The following DLEU7 variants were observed in gnomAD, a reference collection of about 807,000 sequenced individuals.
DLEU7 encodes deleted in lymphocytic leukemia 7.
DLEU7 carries 17 observed loss-of-function variants against 16.0 expected under a neutral mutation model. The ratio of observed to expected loss-of-function variants is 1.06; its 90% CI spans 0.73 to 1.59. The LOEUF (loss-of-function observed/expected upper bound fraction) is 1.59, where lower values mean the gene tolerates loss of function less well. DLEU7 is among the 40% of genes most tolerant of loss of function. The pLI is 0.00. For missense variants in DLEU7, 308 were observed against 314.9 expected, an observed-to-expected ratio of 0.98 and a Z score of 0.17; for synonymous variants, 113 against 139.8, an observed-to-expected ratio of 0.81 and a Z score of 1.35.
intron 1 of DLEU7, among the ~76,000 whole-genome samples, chr13:50,823,928 T>C (rs1358803679): frequency 3.3e-5 from 5 of 152,230 alleles, no homozygotes; most frequent in Admixed American, 2.0e-4. Context: ...AAGAGCCAGA[T>C]TCTAATCTAA....
chr13:50,723,328 A>G (rs1873671450), intron 1 of DLEU7: 1 of 152,152 alleles, frequency 6.6e-6, no homozygotes, highest in South Asian at 2.1e-4. Context: ...AACATCCCCT[A>G]GTTTAAAGAA....
At chr13:50,799,963 A>T (rs1224270616) in intron 1 of DLEU7, among the ~76,000 whole-genome samples, 1 of 152,210 alleles carries the variant, frequency 6.6e-6, no homozygotes, top group Non-Finnish European at 1.5e-5. Context: ...ATCAAACTGT[A>T]CACAGAACTC....
chr13:50,755,909 C>G (rs573100008), intron 1 of DLEU7, among the ~76,000 whole-genome samples: 13 of 152,256 alleles, frequency 8.5e-5, no homozygotes, highest in South Asian at 2.1e-4. Flanking sequence ...GGGGTGTTCC[C>G]TTGATGCAGT....
intron 1 of DLEU7, among the ~76,000 whole-genome samples, chr13:50,825,019 T>C (rs1877038892): frequency 6.6e-6 from 1 of 152,198 alleles, no homozygotes; most frequent in South Asian, 2.1e-4. Context: ...TTTTTTTCCA[T>C]GGCTGGTGGT....
chr13:50,756,753 A>T (rs1243727669), intron 1 of DLEU7, among the ~76,000 whole-genome samples: 3 of 151,858 alleles, frequency 2.0e-5, no homozygotes, highest in Non-Finnish European at 2.9e-5. Flanking sequence ...CTGGGTTCAA[A>T]TTTTTTCAAA....
At chr13:50,826,515 T>G (rs1464606072) in intron 1 of DLEU7, among the ~76,000 whole-genome samples, 1 of 152,094 alleles carries the variant, frequency 6.6e-6, no homozygotes, top group African/African-American at 2.4e-5. Flanking sequence ...AATGCAAGAT[T>G]ACAAGTTGAA....
At chr13:50,832,358 A>G (rs528656781) in intron 1 of DLEU7, among the ~76,000 whole-genome samples, 8 of 151,956 alleles carry the variant, frequency 5.3e-5, no homozygotes, top group Non-Finnish European at 1.0e-4. Context: ...TATTGTGTCT[A>G]TTTGATTCTT....
chr13:50,843,238 T>C lies in DLEU7; in HGVS notation c.409A>G (p.Thr137Ala), dbSNP rs996153657. Residue 137 changes from threonine (T) to alanine (A), a missense_variant, in exon 1 of 2, where the codon ACG becomes GCG. Coordinates refer to ENST00000504404, the MANE Select transcript of DLEU7 (RefSeq NM_001306135.2). This position sits in a 1 kb window ranked among gnomAD's most constrained non-coding sequence, Gnocchi z 5.7. Reference sequence around the variant, plus strand: ...TCCTGCTGGAGGGGCCCCAGCAGCGTCTGCTCCACGCTGACCAGCTCCGAA... The same window carrying C: ...TCCTGCTGGAGGGGCCCCAGCAGCGCCTGCTCCACGCTGACCAGCTCCGAA... The part of the protein sequence containing the change: ...STSELVSVEQ[T>A]LLGPLQQERS... 6.3e-7 allele frequency: 1 copy of C among 1,594,694 alleles called. No individual in the cohort carries two copies. The highest frequency in any genetic ancestry group is 2.4e-5 in the East Asian group (1 of 42,104).
intron 1 of DLEU7, among the ~76,000 whole-genome samples, chr13:50,762,206 A>G (rs989704869): frequency 5.3e-5 from 8 of 151,070 alleles, no homozygotes; most frequent in Non-Finnish European, 8.8e-5. Flanking sequence ...AAAAAAAAAA[A>G]AAAAAGAAAA....
chr13:50,738,469 C>G (rs529374993), intron 1 of DLEU7, among the ~76,000 whole-genome samples: 2 of 152,208 alleles, frequency 1.3e-5, no homozygotes, highest in Admixed American at 6.6e-5. Context: ...TTTAAATTCT[C>G]AATGGCAATG....
chr13:50,784,814 G>A (rs1018653531), intron 1 of DLEU7, among the ~76,000 whole-genome samples: 4 of 152,158 alleles, frequency 2.6e-5, no homozygotes, highest in African/African-American at 4.8e-5. Flanking sequence ...AAAAGTAAGC[G>A]ATTCATATTG....
At chr13:50,736,019 G>T (rs1358105831) in intron 1 of DLEU7, among the ~76,000 whole-genome samples, 3 of 151,992 alleles carry the variant, frequency 2.0e-5, no homozygotes, top group Non-Finnish European at 4.4e-5. Context: ...ATACCCAAAG[G>T]AATATAAATA....
chr13:50,831,614 T>C (rs1224424604), intron 1 of DLEU7, among the ~76,000 whole-genome samples: 1 of 152,174 alleles, frequency 6.6e-6, no homozygotes, highest in Non-Finnish European at 1.5e-5. Flanking sequence ...TTGGATAACA[T>C]GCAAACCAGC....
At chr13:50,765,417 A>G (rs868459753) in intron 1 of DLEU7, among the ~76,000 whole-genome samples, 7 of 152,098 alleles carry the variant, frequency 4.6e-5, no homozygotes, top group Middle Eastern at 3.2e-3. Context: ...ACAAGGGAAG[A>G]GAAAATGAGG....
chr13:50,831,740 G>GA (rs1877273328), intron 1 of DLEU7, among the ~76,000 whole-genome samples: 1 of 152,176 alleles, frequency 6.6e-6, no homozygotes, highest in Non-Finnish European at 1.5e-5. Context: ...CATGATAGAT[G>GA]AAAAGAAATG....
At chr13:50,712,130 G>A (rs1388927240) in exon 2 of DLEU7, 2 of 152,182 alleles carry the variant, frequency 1.3e-5, no homozygotes, top group African/African-American at 4.8e-5. Context: ...ACTAGCCACT[G>A]ACTTTGACTT....
intron 1 of DLEU7, among the ~76,000 whole-genome samples, chr13:50,787,754 AC>A (rs1168954116): frequency 1.3e-5 from 2 of 149,676 alleles, no homozygotes; most frequent in Admixed American, 1.3e-4. Context: ...ACATAGCAGC[AC>A]CCAAGACTCC....
chr13:50,812,491 A>T (rs1158837214), intron 1 of DLEU7, among the ~76,000 whole-genome samples: 1 of 152,158 alleles, frequency 6.6e-6, no homozygotes, highest in Non-Finnish European at 1.5e-5. Flanking sequence ...TATGTAGGGT[A>T]AAGGCAAGAA....
At chr13:50,715,808 C>T (rs1338301213) in intron 1 of DLEU7, among the ~76,000 whole-genome samples, 1 of 152,264 alleles carries the variant, frequency 6.6e-6, no homozygotes. Flanking sequence ...CAAATCACAA[C>T]CTTGCCTTTC....
Sources: allele counts gnomAD v4.1 joint callset (sites outside exome capture counted in the v4.1 genomes callset), GRCh38; gene constraint gnomAD v4.1.1; non-coding constraint Gnocchi (gnomAD v3.1); transcripts MANE v1.5; gene names NCBI Gene and HGNC (gene_info 2026-07-23, HGNC 2026-07-21).